The following ZFYVE1 variants were observed in gnomAD, a reference collection of about 807,000 sequenced individuals.
The protein encoded by ZFYVE1 is zinc finger FYVE-type containing 1, also known as zinc finger FYVE domain-containing protein 1.
In ZFYVE1, 30 loss-of-function variants were observed where a neutral mutation model predicts 74.4. The observed-to-expected ratio is 0.40, with a 90% CI of 0.30 to 0.55. The LOEUF (loss-of-function observed/expected upper bound fraction) is 0.55. ZFYVE1 is among the 20% of genes least tolerant of loss of function. The probability of loss-of-function intolerance (pLI) is 0.42; values close to 1 mark genes in which losing one functional copy is unlikely to be tolerated. For synonymous variants in ZFYVE1, 335 were observed against 385.1 expected (o/e 0.87, Z 1.52); for missense variants, 703 against 1,011.6 (o/e 0.69, Z 4.14).
At chr14:72,979,173 G>C in intron 5 of ZFYVE1, 1 of 537,654 alleles carries the variant, frequency 1.9e-6, no homozygotes, top group Non-Finnish European at 3.4e-6. Context: ...CAGAGGCACA[G>C]CGACTACTAT....
At chr14:73,015,927 AAAAT>A (rs570150579) in intron 2 of ZFYVE1, among the ~76,000 whole-genome samples, 8 of 152,118 alleles carry the variant, frequency 5.3e-5, no homozygotes, top group East Asian at 1.9e-4. Flanking sequence ...CTCCATCTCA[AAAAT>A]AAATAAATAA....
intron 3 of ZFYVE1, among the ~76,000 whole-genome samples, chr14:72,993,993 G>A (rs28361538): frequency 0.012 from 1,512 of 125,062 alleles, 39 homozygotes; most frequent in African/African-American, 0.044. Context: ...CCAGCCTGGC[G>A]ACAGAGAGAG....
chr14:72,992,623 C>A (rs1046779756), intron 4 of ZFYVE1, among the ~76,000 whole-genome samples: 1 of 116,748 alleles, frequency 8.6e-6, no homozygotes, highest in African/African-American at 3.7e-5. Flanking sequence ...GTGCCCCCCC[C>A]GCCCCTTGCA....
intron 2 of ZFYVE1, among the ~76,000 whole-genome samples, chr14:73,010,694 G>A (rs1272940337): frequency 3.3e-5 from 5 of 149,946 alleles, no homozygotes; most frequent in South Asian, 4.2e-4. Flanking sequence ...CGCTTGAACC[G>A]GGGAGGTGGA....
Position 72,993,128 on chromosome 14 carries a change from C to A in ZFYVE1, c.1203+15G>T. Reference sequence around the variant, plus strand: ...GCACCCCAATGAGAAGCCCTTGGGGCACAAGCCAACTGACCTTCAGGGCTT... The same window carrying A: ...GCACCCCAATGAGAAGCCCTTGGGGAACAAGCCAACTGACCTTCAGGGCTT... On this transcript the variant is annotated intron_variant, in intron 4 of 11. Transcript: ENST00000556143. The A allele has an allele frequency of 6.3e-7, 1 of 1,580,236 alleles. No homozygotes were observed. Among genetic ancestry groups the A allele is most frequent in the Non-Finnish European group, 8.6e-7 (1 of 1,160,516 alleles).
chr14:72,995,703 A>C (rs1326846219), intron 3 of ZFYVE1, among the ~76,000 whole-genome samples: 2 of 152,176 alleles, frequency 1.3e-5, no homozygotes, highest in African/African-American at 4.8e-5. Context: ...GGCACTTGCT[A>C]ATTAATCTGC....
At chr14:73,021,119 C>T (rs190380386) in intron 2 of ZFYVE1, among the ~76,000 whole-genome samples, 2,216 of 152,052 alleles carry the variant, frequency 0.015, 46 homozygotes, top group African/African-American at 0.048. Context: ...CTGAGGCGGG[C>T]GGATAACTTG....
At chr14:73,006,692 A>G (rs533399683) in intron 2 of ZFYVE1, among the ~76,000 whole-genome samples, 162 of 143,632 alleles carry the variant, frequency 1.1e-3, no homozygotes, top group Non-Finnish European at 1.8e-3. Context: ...GTACTCAATG[A>G]TCCCCCACCC....
intron 2 of ZFYVE1, among the ~76,000 whole-genome samples, chr14:73,015,369 AGGGGAAGGAAGG>A (rs778389366): frequency 0.16 from 5,949 of 38,276 alleles, 436 homozygotes; most frequent in South Asian, 0.36. Flanking sequence ...GGAAAGGAAG[AGGGGAAGGAAGG>A]GGGGAAGGAA....
chr14:72,993,744 C>T (rs1893678303), intron 3 of ZFYVE1, among the ~76,000 whole-genome samples: 1 of 151,814 alleles, frequency 6.6e-6, no homozygotes, highest in African/African-American at 2.4e-5. Context: ...AGATACGAGG[C>T]TGGGTGCGGT....
intron 2 of ZFYVE1, among the ~76,000 whole-genome samples, chr14:73,002,691 T>G (rs1161991144): frequency 3.3e-5 from 5 of 151,886 alleles, no homozygotes; most frequent in Non-Finnish European, 5.9e-5. Flanking sequence ...GTGAGGAAGC[T>G]TCACATCAAG....
At chr14:72,990,482 C>T (rs1423661748) in intron 4 of ZFYVE1, among the ~76,000 whole-genome samples, 4 of 151,744 alleles carry the variant, frequency 2.6e-5, no homozygotes, top group African/African-American at 4.8e-5. Context: ...CTGCAACCTC[C>T]GCCTCTCAAA....
chr14:72,980,488 C>T (rs950930053), intron 5 of ZFYVE1, among the ~76,000 whole-genome samples: 89 of 152,118 alleles, frequency 5.9e-4, no homozygotes, highest in Non-Finnish European at 8.5e-4. Flanking sequence ...ATCCAGTGAT[C>T]CTCAAAGGGT....
chr14:73,003,017 C>G (rs1893905903), intron 2 of ZFYVE1, among the ~76,000 whole-genome samples: 1 of 149,068 alleles, frequency 6.7e-6, no homozygotes, highest in Non-Finnish European at 1.5e-5. Flanking sequence ...ACTGGGATTA[C>G]AGGTGTGACC....
intron 2 of ZFYVE1, among the ~76,000 whole-genome samples, chr14:73,008,270 C>T (rs1018162504): frequency 3.3e-5 from 5 of 152,236 alleles, no homozygotes; most frequent in Non-Finnish European, 7.3e-5. Context: ...AGTGATTCTC[C>T]TGCCTCAGCT....
At position 72,978,948 on chromosome 14, in the gene ZFYVE1, C is replaced by T. The variant is rs1297678032; in HGVS notation, c.1332G>A (p.Met444Ile). The change falls in exon 6 of 12, where the codon ATG becomes ATA. Residue 444 changes from methionine (M) to isoleucine (I), a missense_variant. By Grantham distance (10) the Met-to-Ile change is conservative (BLOSUM62 1). Transcript: ENST00000556143. ...GAGGCACTCCTTCCTTCCCATGATT[C>T]ATGCTTTTCTTACATCCAACCCTGA... ...LSCGVGCKKS[M>I]NHGKEGVPHE... 6.2e-7 allele frequency: 1 copy of T among 1,613,758 alleles called. No individual in the cohort carries two copies. Among genetic ancestry groups the T allele is most frequent in the African/African-American group, 1.3e-5 (1 of 74,908 alleles).
In ZFYVE1 at chr14:72,988,207, C is replaced by T. The variant is rs562534746; in HGVS notation, c.1203+4936G>A. Among the ~76,000 whole-genome samples the T allele has an allele frequency of 1.5e-3, 215 of 143,872 alleles. 2 individuals are homozygous for T. The highest frequency in any genetic ancestry group is 8.2e-4 in the Non-Finnish European group (55 of 66,832). 94.4% of individuals were successfully genotyped at this position (143,872 alleles called of 152,430 possible). On this transcript the variant is annotated intron_variant, in intron 4 of 11. Coordinates refer to ENST00000556143, the MANE Select transcript of ZFYVE1 (RefSeq NM_021260.4). Reference sequence around the variant, plus strand: ...TTTTTTTTTTTGAGACAGAGTCTTGCTCTGTCACCCAGGCTAGAGTGTAGT... The same window carrying T: ...TTTTTTTTTTTGAGACAGAGTCTTGTTCTGTCACCCAGGCTAGAGTGTAGT...
At chr14:73,023,532 A>G (rs559812950) in intron 2 of ZFYVE1, among the ~76,000 whole-genome samples, 26 of 148,952 alleles carry the variant, frequency 1.7e-4, no homozygotes, top group African/African-American at 5.5e-4. Context: ...TTAAATCAAG[A>G]TAACAGGTTT....
chr14:72,997,929 G>T lies in ZFYVE1; in HGVS notation c.870C>A (p.His290Gln). The change falls in exon 3 of 12, where the codon CAC (histidine) becomes CAA (glutamine). Residue 290 changes from histidine (H) to glutamine (Q), a missense_variant. His to Gln is a conservative substitution (Grantham distance 24, BLOSUM62 0). Transcript: ENST00000556143. ...LGDASEAYLKHFTKELKATTA... is the reference protein window; with the variant it reads ...LGDASEAYLKQFTKELKATTA... ...TGGTGGCCTTGAGCTCCTTGGTGAA[G>T]TGCTTCAGATAAGCTTCTGAGGCAT... 1 of 1,614,168 alleles carries T rather than the reference G, an allele frequency of 6.2e-7. No homozygotes were observed. Among genetic ancestry groups the T allele is most frequent in the Non-Finnish European group, 8.5e-7 (1 of 1,180,028 alleles).
Sources: gnomAD v4.1 joint callset for allele counts (sites outside exome capture counted in the v4.1 genomes callset) on GRCh38, gnomAD v4.1.1 for gene constraint, MANE v1.5 for transcripts, NCBI Gene and HGNC (gene_info 2026-07-23, HGNC 2026-07-21) for gene names.